The following ESPL1 variants were observed in gnomAD, a reference collection of about 807,000 sequenced individuals.
ESPL1 encodes the protein extra spindle pole bodies like 1, separase, also known as separin.
ESPL1 carries 50 observed loss-of-function variants against 217.2 expected under a neutral mutation model. The ratio of observed to expected loss-of-function variants is 0.23; its 90% confidence interval spans 0.18 to 0.29. The LOEUF (loss-of-function observed/expected upper bound fraction) is 0.29. Ranked by LOEUF, ESPL1 falls within the 10% of genes least tolerant of loss-of-function variation. The pLI is 1.00. For missense variants in ESPL1, 1,834 were observed against 2,603.0 expected, an observed-to-expected ratio of 0.70 and a Z score of 6.43; for synonymous variants, 994 against 1,081.3, an observed-to-expected ratio of 0.92 and a Z score of 1.58.
At position 53,289,354 on chromosome 12, in the gene ESPL1, G is replaced by A. The variant is rs750086419; in HGVS notation, c.4923-50G>A. On this transcript the variant is annotated intron_variant, in intron 21 of 30. Coordinates refer to ENST00000257934, the MANE Select transcript of ESPL1 (RefSeq NM_012291.5). ...CCTGCTGGGGCAGACTAGAGAGAAG[G>A]TCCAGACTTTGAAGGAATGGGACCT... 5.0e-6 allele frequency: 8 copies of A among 1,610,814 alleles called. No individual in the cohort carries two copies. The South Asian group carries it at 8.8e-5, about 18-fold the overall frequency.
chr12:53,271,691 AAGG>A (rs1488315695), intron 5 of ESPL1, among the ~76,000 whole-genome samples: 3 of 152,034 alleles, frequency 2.0e-5, no homozygotes, highest in Non-Finnish European at 4.4e-5. Context: ...CTCAAAAAAA[AAGG>A]AGAATTCTTC....
At chr12:53,285,024 A>AAG (rs1555187238) in intron 17 of ESPL1, among the ~76,000 whole-genome samples, 15 of 138,072 alleles carry the variant, frequency 1.1e-4, no homozygotes, top group South Asian at 8.9e-4. Flanking sequence ...AAAAAAAAAA[A>AAG]AAAGAAGAAA....
Position 53,288,673 on chromosome 12 carries a change from G to A in ESPL1, c.4682G>A (p.Arg1561Gln), listed in dbSNP as rs56358776. Residue 1561 changes from arginine to glutamine, a missense_variant, in exon 20 of 31, where the codon CGG becomes CAG. This residue lies in a region of ESPL1 where 681 missense variants were observed against 808.0 expected (regional missense o/e 0.84). Coordinates refer to ENST00000257934, the MANE Select transcript of ESPL1 (RefSeq NM_012291.5). ...GACAAGGACCTTGGTCCTCGGCTCC[G>A]GCTCCCCTCAGCCCCCGTAGCCACT... ...ESDKDLGPRL[R>Q]LPSAPVATGL... is the part of the protein sequence containing the mutation. 0.32 allele frequency: 518,838 copies of A among 1,612,598 alleles called. 85,825 individuals carry two copies. Among genetic ancestry groups the A allele is most frequent in the Non-Finnish European group, 0.34 (405,229 of 1,179,456 alleles).
At chr12:53,268,986 C>T (rs765782026) in intron 2 of ESPL1, 38 bp from the exon 3 acceptor site, 2 of 1,561,378 alleles carry the variant, frequency 1.3e-6, no homozygotes, top group African/African-American at 2.7e-5. Flanking sequence ...CTCTTTCCTG[C>T]CTTTGCTAGC....
chr12:53,278,864 G>A (rs1943815840), intron 11 of ESPL1, among the ~76,000 whole-genome samples: 1 of 151,770 alleles, frequency 6.6e-6, no homozygotes, highest in Non-Finnish European at 1.5e-5. Flanking sequence ...GGGATTACAG[G>A]CGTGAGCCAC....
chr12:53,277,473 A>T lies in ESPL1; in HGVS notation c.2089A>T (p.Ile697Phe). ...CTLEAKMQEGIERDRRAQAPG... is the reference protein window; with the variant it reads ...CTLEAKMQEGFERDRRAQAPG... ...ATACCCCGATCTTCCCATCCAGGGTATCGAGCGGGATCGGAGAGCCCAGGC... is the reference window on the plus strand; with the variant it reads ...ATACCCCGATCTTCCCATCCAGGGTTTCGAGCGGGATCGGAGAGCCCAGGC... Residue 697 changes from isoleucine to phenylalanine, a missense_variant, in exon 10 of 31, where the codon ATC becomes TTC. Around this residue, in one of 5 missense-constraint regions of ESPL1, gnomAD observed 746 missense variants for 1,077.0 expected, o/e 0.69. Transcript: ENST00000257934. 2 of 1,613,958 alleles carry T rather than the reference A, an allele frequency of 1.2e-6. No individual in the cohort carries two copies. Among genetic ancestry groups the T allele is most frequent in the Non-Finnish European group, 1.7e-6 (2 of 1,179,916 alleles).
chr12:53,276,970 G>A (rs956211053), intron 8 of ESPL1, 111 bp downstream of exon 8: 43 of 1,552,418 alleles, frequency 2.8e-5, no homozygotes, highest in Middle Eastern at 1.7e-4. Context: ...TCATCTTGTG[G>A]CCATGGGAGC....
intron 9 of ESPL1, 42 bp from the exon 10 acceptor site, chr12:53,277,428 A>C (rs773652963): frequency 1.1e-4 from 180 of 1,600,996 alleles, no homozygotes; most frequent in Non-Finnish European, 1.5e-4. Context: ...CGATAGGCCC[A>C]CACCACTGTG....
chr12:53,276,711 G>C lies in ESPL1; in HGVS notation c.1792G>C (p.Asp598His), dbSNP rs147544896. ...GCAGGCCTACAAGGCGGTGCGGGCC[G>C]ACACTGGACAGGAACGCTTCAACAT... ...ELQAYKAVRA[D>H]TGQERFNIIC... Residue 598 changes from aspartate (D) to histidine (H), a missense_variant, in exon 8 of 31, where the codon GAC (aspartate) becomes CAC (histidine). Asp to His is a moderately conservative substitution (Grantham distance 81). Around this residue, in one of 5 missense-constraint regions of ESPL1, gnomAD observed 746 missense variants for 1,077.0 expected, o/e 0.69. Transcript: ENST00000257934. 6.2e-7 allele frequency: 1 copy of C among 1,613,176 alleles called. No homozygotes were observed. The highest frequency in any genetic ancestry group is 1.7e-5 in the Admixed American group (1 of 60,010).
At chr12:53,284,761 C>T (rs1315279794) in intron 17 of ESPL1, among the ~76,000 whole-genome samples, 3 of 150,864 alleles carry the variant, frequency 2.0e-5, no homozygotes, top group Non-Finnish European at 4.4e-5. Flanking sequence ...TGCCTGTAAT[C>T]CTAGCACTTT....
chr12:53,288,824 C>T (rs1388715029), intron 20 of ESPL1, 125 bp downstream of exon 20: 11 of 766,564 alleles, frequency 1.4e-5, no homozygotes, highest in Non-Finnish European at 2.2e-5. Flanking sequence ...GTGTTTGAAC[C>T]CCAGCACTCT....
At position 53,286,628 on chromosome 12, in the gene ESPL1, T is replaced by G; in HGVS notation, c.3892T>G (p.Leu1298Val). The change falls in exon 18 of 31, where the codon TTA becomes GTA. Residue 1298 changes from leucine (L) to valine (V), a missense_variant. By Grantham distance (32) the Leu-to-Val change is conservative. Around this residue, in one of 5 missense-constraint regions of ESPL1, gnomAD observed 681 missense variants for 808.0 expected, o/e 0.84. Coordinates refer to ENST00000257934, the MANE Select transcript of ESPL1 (RefSeq NM_012291.5). The surrounding 1 kb of genome is among the most constrained non-coding windows in gnomAD (Gnocchi z 5.3). ...FASSWGWQPP[L>V]IKSVPGSEPS... is the part of the protein sequence containing the mutation. ...AAGCTCCTGGGGCTGGCAGCCACCA[T>G]TAATAAAAAGTGTCCCTGGCTCAGA... 6.2e-7 allele frequency: 1 copy of G among 1,614,084 alleles called. No individual in the cohort carries two copies. Among genetic ancestry groups the G allele is most frequent in the Non-Finnish European group, 8.5e-7 (1 of 1,180,016 alleles).
Position 53,286,586 on chromosome 12 carries a change from A to G in ESPL1, c.3850A>G (p.Thr1284Ala), listed in dbSNP as rs1178995191. The G allele has an allele frequency of 6.2e-7, 1 of 1,614,136 alleles. No individual in the cohort carries two copies. Among genetic ancestry groups the G allele is most frequent in the Non-Finnish European group, 8.5e-7 (1 of 1,180,016 alleles). Residue 1284 changes from threonine (T) to alanine (A), a missense_variant, in exon 18 of 31, where the codon ACT (threonine) becomes GCT (alanine). Transcript: ENST00000257934. The surrounding 1 kb of genome is among the most constrained non-coding windows in gnomAD (Gnocchi z 5.3). ...LTKLGGLSCC[T>A]TQLFASSWGW... Reference sequence around the variant, plus strand: ...AAAACTAGGTGGCCTCAGCTGCTGTACTACCCAACTTTTTGCAAGCTCCTG... The same window carrying G: ...AAAACTAGGTGGCCTCAGCTGCTGTGCTACCCAACTTTTTGCAAGCTCCTG...
At chr12:53,272,257 G>A (rs1943689551) in intron 5 of ESPL1, among the ~76,000 whole-genome samples, 2 of 152,160 alleles carry the variant, frequency 1.3e-5, no homozygotes, top group African/African-American at 4.8e-5. Flanking sequence ...CAACATATTA[G>A]AACGTGATAA....
chr12:53,293,347 G>T lies in ESPL1; in HGVS notation c.6236G>T (p.Gly2079Val), dbSNP rs761707993. Residue 2079 changes from glycine to valine, a missense_variant, in exon 31 of 31, where the codon GGC becomes GTC. Physicochemically the swap from Gly to Val is moderately radical, Grantham distance 109. Coordinates refer to ENST00000257934, the MANE Select transcript of ESPL1 (RefSeq NM_012291.5). The surrounding 1 kb of genome is among the most constrained non-coding windows in gnomAD (Gnocchi z 4.2). The part of the protein sequence containing the change: ...IDRYTEALLQ[G>V]WLGAGPGAPL... ...CGCTACACGGAAGCTCTGCTGCAAG[G>T]CTGGCTTGGAGCAGGCCCAGGGGCC... 6.2e-7 allele frequency: 1 copy of T among 1,614,034 alleles called. No individual in the cohort carries two copies. Among genetic ancestry groups the T allele is most frequent in the Admixed American group, 1.7e-5 (1 of 60,018 alleles).
At chr12:53,279,672 G>C in intron 11 of ESPL1, 60 bp from the exon 12 acceptor site, 7 of 1,608,978 alleles carry the variant, frequency 4.4e-6, no homozygotes, top group Non-Finnish European at 5.9e-6. Flanking sequence ...CTGGGGAGCA[G>C]AGGGTAGAAA....
chr12:53,289,018 C>T (rs1203804691), intron 20 of ESPL1, 72 bp from the exon 21 acceptor site: 4 of 1,240,808 alleles, frequency 3.2e-6, no homozygotes, highest in Non-Finnish European at 4.7e-6. Flanking sequence ...AGGGACTGTT[C>T]CTTCTTGGAA....
In ESPL1 at chr12:53,289,080, G is replaced by T. The variant is rs541004581; in HGVS notation, c.4709-10G>T. ...ATTCAGCTGTACCAAGTGTCCTGAC[G>T]TTCTTCTAGGTCTTTCTACCCTGGA... On this transcript the variant is annotated splice_polypyrimidine_tract_variant and intron_variant, in intron 20 of 30. Transcript: ENST00000257934. The T allele has an allele frequency of 1.2e-6, 2 of 1,605,318 alleles. No individual in the cohort carries two copies. Among genetic ancestry groups the T allele is most frequent in the Non-Finnish European group, 1.7e-6 (2 of 1,171,958 alleles).
rs1305940524 is a variant in ESPL1, at chr12:53,291,012, AG to A, written c.5520+19del. The A allele has an allele frequency of 3.2e-6, 5 of 1,564,644 alleles. No individual in the cohort carries two copies. In the South Asian group the frequency reaches 5.9e-5, roughly 18 times the overall value. On this transcript the variant is annotated intron_variant, in intron 25 of 30. Transcript: ENST00000257934. ...TCTGCTGAAAGTGAGTGAGGAAAGC[AG>A]GGAAGGGGGCCAGGCCCAGTGGCTT...
Sources: allele counts gnomAD v4.1 joint callset (sites outside exome capture counted in the v4.1 genomes callset), GRCh38; gene constraint gnomAD v4.1.1; regional missense constraint gnomAD v4.1.1; non-coding constraint Gnocchi (gnomAD v3.1); transcripts MANE v1.5; gene names NCBI Gene and HGNC (gene_info 2026-07-23, HGNC 2026-07-21).